The following VTI1A variants were observed in gnomAD, a reference collection of about 807,000 sequenced individuals.
The protein encoded by VTI1A is vesicle transport through interaction with t-SNAREs 1A.
In VTI1A, 22 loss-of-function variants were observed where a neutral mutation model predicts 34.9. The ratio of observed to expected loss-of-function variants is 0.63; its 90% CI spans 0.45 to 0.90. VTI1A has a LOEUF of 0.90. VTI1A is among the 40% of genes least tolerant of loss of function. VTI1A has a pLI of 0.00. For missense variants in VTI1A, 268 were observed against 275.6 expected (o/e 0.97, Z 0.20); for synonymous variants, 87 against 97.3 (o/e 0.89, Z 0.62).
chr10:112,696,401 T>C (rs915026446), intron 7 of VTI1A, among the ~76,000 whole-genome samples: 1 of 152,158 alleles, frequency 6.6e-6, no homozygotes, highest in Non-Finnish European at 1.5e-5. Flanking sequence ...CTGGTTTGCA[T>C]GCATTTCAAG....
At chr10:112,803,202 G>A (rs1385881227) in intron 7 of VTI1A, among the ~76,000 whole-genome samples, 1 of 152,152 alleles carries the variant, frequency 6.6e-6, no homozygotes, top group Admixed American at 6.5e-5. Flanking sequence ...CCAAGTAGCT[G>A]GGATTACAGG....
At chr10:112,623,794 A>T (rs937975996) in intron 5 of VTI1A, among the ~76,000 whole-genome samples, 5 of 152,216 alleles carry the variant, frequency 3.3e-5, no homozygotes, top group African/African-American at 1.2e-4. Context: ...CTTCTGATTA[A>T]CAACCTCGGC....
At chr10:112,783,815 C>A (rs1351450819) in intron 7 of VTI1A, among the ~76,000 whole-genome samples, 3 of 152,184 alleles carry the variant, frequency 2.0e-5, no homozygotes, top group African/African-American at 7.2e-5. Flanking sequence ...TGAGCCGATT[C>A]CAGCATGTGC....
At chr10:112,630,458 A>C (rs1246439246) in intron 5 of VTI1A, among the ~76,000 whole-genome samples, 3 of 152,194 alleles carry the variant, frequency 2.0e-5, no homozygotes, top group Non-Finnish European at 2.9e-5. Context: ...GTTTTGTTCT[A>C]GATATTTACC....
At chr10:112,849,095 G>T in the VTI1A span, among the ~76,000 whole-genome samples, 1 of 152,212 alleles carries the variant, frequency 6.6e-6, no homozygotes, top group Non-Finnish European at 1.5e-5. Flanking sequence ...GCAGGAAGCA[G>T]CCTTAGAAGG....
intron 4 of VTI1A, among the ~76,000 whole-genome samples, chr10:112,537,311 G>GTGTATATATATATATATATA (rs1419438697): frequency 9.2e-5 from 6 of 65,218 alleles, no homozygotes; most frequent in Non-Finnish European, 2.1e-4. Flanking sequence ...AAGTATCTAG[G>GTGTATATATATATATATATA]TATATATATA....
chr10:112,586,940 A>G (rs891906619), intron 5 of VTI1A, among the ~76,000 whole-genome samples: 7 of 152,212 alleles, frequency 4.6e-5, no homozygotes, highest in African/African-American at 1.7e-4. Flanking sequence ...ATTTAAACTC[A>G]GAAATTCCAC....
chr10:112,748,139 G>T (rs1850968704), intron 7 of VTI1A, among the ~76,000 whole-genome samples: 1 of 152,076 alleles, frequency 6.6e-6, no homozygotes, highest in African/African-American at 2.4e-5. Flanking sequence ...CCTGACAAGA[G>T]ACCCCTTCCA....
chr10:112,806,659 C>T (rs1048424590), intron 7 of VTI1A, among the ~76,000 whole-genome samples: 4 of 152,002 alleles, frequency 2.6e-5, no homozygotes, highest in South Asian at 4.1e-4. Context: ...AATCGTGGCT[C>T]ATTGCGATTT....
At chr10:112,535,890 G>A (rs559470805) in intron 4 of VTI1A, among the ~76,000 whole-genome samples, 216 of 152,296 alleles carry the variant, frequency 1.4e-3, no homozygotes, top group South Asian at 6.0e-3. Flanking sequence ...AAGTGAAGAG[G>A]TTCCAAAATA....
At chr10:112,568,167 T>C (rs201660451) in intron 5 of VTI1A, among the ~76,000 whole-genome samples, 1 of 137,468 alleles carries the variant, frequency 7.3e-6, no homozygotes, top group African/African-American at 2.7e-5. Flanking sequence ...GAAAAAAAAA[T>C]AAGTTTGTGG....
intron 7 of VTI1A, among the ~76,000 whole-genome samples, chr10:112,757,766 C>T (rs542371907): frequency 1.3e-5 from 2 of 152,118 alleles, no homozygotes; most frequent in Admixed American, 6.6e-5. Context: ...GAAAAACTTT[C>T]AAAGAAAATA....
Position 112,762,024 on chromosome 10 carries a change from G to C in VTI1A, c.561-53266G>C, listed in dbSNP as rs182572832. Among the ~76,000 whole-genome samples, 10 of 152,272 alleles carry C rather than the reference G, an allele frequency of 6.6e-5. No homozygotes were observed. In the East Asian group the frequency reaches 1.9e-3, roughly 29 times the overall value. ...GAAGTTAAATGGCTGTTCTTTGACA[G>C]TTGTTGCACTGGATACATTACAGTT... On this transcript the variant is annotated intron_variant, in intron 7 of 7. Coordinates refer to ENST00000393077, the MANE Select transcript of VTI1A (RefSeq NM_145206.4).
At chr10:112,483,806 A>G (rs1273513486) in intron 3 of VTI1A, among the ~76,000 whole-genome samples, 2 of 152,214 alleles carry the variant, frequency 1.3e-5, no homozygotes, top group Non-Finnish European at 2.9e-5. Context: ...AATATTAACA[A>G]TAACAATTAA....
intron 7 of VTI1A, among the ~76,000 whole-genome samples, chr10:112,694,161 G>A (rs576371738): frequency 9.9e-5 from 15 of 152,178 alleles, no homozygotes; most frequent in Middle Eastern, 3.4e-3. Context: ...AGCTGAGATC[G>A]CGCCACTGCA....
At chr10:112,638,110 T>C (rs1397166349) in intron 5 of VTI1A, among the ~76,000 whole-genome samples, 2 of 152,228 alleles carry the variant, frequency 1.3e-5, no homozygotes, top group African/African-American at 4.8e-5. Flanking sequence ...ATCCTTGAGA[T>C]TTCTGAGCAG....
At chr10:112,604,616 C>G (rs1286754412) in intron 5 of VTI1A, among the ~76,000 whole-genome samples, 1 of 152,226 alleles carries the variant, frequency 6.6e-6, no homozygotes, top group Non-Finnish European at 1.5e-5. Flanking sequence ...ATCTCTGGTT[C>G]TACACATCAC....
chr10:112,779,945 A>G (rs545355511), intron 7 of VTI1A, among the ~76,000 whole-genome samples: 1 of 152,022 alleles, frequency 6.6e-6, no homozygotes, highest in African/African-American at 2.4e-5. Context: ...TTTTTCTGTT[A>G]CAAGCTATTT....
chr10:112,846,782 A>G, the VTI1A span, among the ~76,000 whole-genome samples: 83 of 147,300 alleles, frequency 5.6e-4, no homozygotes, highest in African/African-American at 2.2e-3. Flanking sequence ...AAAAAAAAAA[A>G]GAAAAAAGAA....
Sources: allele counts gnomAD v4.1 joint callset (sites outside exome capture counted in the v4.1 genomes callset), GRCh38; gene constraint gnomAD v4.1.1; transcripts MANE v1.5; gene names NCBI Gene and HGNC (gene_info 2026-07-23, HGNC 2026-07-21).